SIDT2: variants seen among roughly 807,000 people sequenced by gnomAD.
The protein encoded by SIDT2 is SID1 transmembrane family, member 2.
Under a neutral mutation model 114.4 loss-of-function variants are expected in SIDT2, and 68 were observed. The ratio of observed to expected loss-of-function variants is 0.59; its 90% CI spans 0.49 to 0.73. SIDT2 has a LOEUF of 0.73. Ranked by LOEUF, SIDT2 falls within the 30% of genes least tolerant of loss-of-function variation. The pLI is 0.00. For synonymous variants in SIDT2, 470 were observed against 438.4 expected, an observed-to-expected ratio of 1.07 and a Z score of -0.90; for missense variants, 918 against 1,097.1, an observed-to-expected ratio of 0.84 and a Z score of 2.31.
In SIDT2 at chr11:117,193,904, A is replaced by T. The variant is rs1307542557; in HGVS notation, c.2263A>T (p.Thr755Ser). ...KLIPLLCIVC[T>S]SVVWGFALFF... ...CATCCCCCTGCTCTGCATCGTTTGC[A>T]CCTCCGTGGTCTGGGGCTTCGCGCT... The change falls in exon 24 of 26, where the codon ACC becomes TCC. Residue 755 changes from threonine to serine, a missense_variant. Physicochemically the swap from Thr to Ser is moderately conservative, Grantham distance 58. This residue lies in a region of SIDT2 where 275 missense variants were observed against 397.6 expected (regional missense o/e 0.69). Coordinates refer to ENST00000324225, the MANE Select transcript of SIDT2 (RefSeq NM_001040455.2). The T allele has an allele frequency of 6.2e-7, 1 of 1,614,016 alleles. No homozygotes were observed. The highest frequency in any genetic ancestry group is 8.5e-7 in the Non-Finnish European group (1 of 1,180,004).
chr11:117,187,085 G>C lies in SIDT2; in HGVS notation c.1016-293G>C, dbSNP rs550164823. On this transcript the variant is annotated intron_variant, in intron 10 of 25. Coordinates refer to ENST00000324225, the MANE Select transcript of SIDT2 (RefSeq NM_001040455.2). ...CAGCACAGGGCTGTCTGGAGGGCTCGTGGGCGGGCCAGTGTTGTCTTTGTT... is the reference window on the plus strand; with the variant it reads ...CAGCACAGGGCTGTCTGGAGGGCTCCTGGGCGGGCCAGTGTTGTCTTTGTT... 6.8e-4 allele frequency: 986 copies of C among 1,451,244 alleles called. 4 individuals carry two copies. Among genetic ancestry groups the C allele is most frequent in the Non-Finnish European group, 8.4e-4 (919 of 1,088,150 alleles). 89.9% of individuals were successfully genotyped at this position (1,451,244 alleles called of 1,614,324 possible).
intron 10 of SIDT2, chr11:117,186,940 C>A: frequency 6.7e-7 from 1 of 1,484,464 alleles, no homozygotes; most frequent in South Asian, 1.2e-5. Flanking sequence ...CTCTCTTCCA[C>A]CCCTCCCTCT....
chr11:117,182,279 G>T (rs1398881260), intron 4 of SIDT2, 174 bp downstream of exon 4: 3 of 786,292 alleles, frequency 3.8e-6, no homozygotes. Flanking sequence ...GCATGGGACT[G>T]TACAGAGACA....
rs529683451 is a variant in SIDT2 at position 117,186,200 on chromosome 11, C to T, written c.939C>T (p.Leu313=). 6 of 1,614,122 alleles carry T rather than the reference C, an allele frequency of 3.7e-6. No homozygotes were observed. Among genetic ancestry groups the T allele is most frequent in the African/African-American group, 2.7e-5 (2 of 75,010 alleles). ...TCTCCTTTTACCTGCTGACCGTCCT[C>T]CTGGCCTGCTGGGAGAACTGGAGGT... ...IFLSFYLLTV[L]LACWENWRQK... The change falls in exon 9 of 26, where the codon CTC becomes CTT. Residue 313 remains leucine (L), a synonymous_variant. Coordinates refer to ENST00000324225, the MANE Select transcript of SIDT2 (RefSeq NM_001040455.2).
chr11:117,181,298 C>T (rs1434820932), intron 1 of SIDT2, 118 bp from the exon 2 acceptor site: 12 of 1,461,366 alleles, frequency 8.2e-6, no homozygotes, highest in Admixed American at 1.9e-5. Flanking sequence ...CTCCCTGGCC[C>T]GACCAAGATG....
chr11:117,192,014 G>C lies in SIDT2; in HGVS notation c.1872G>C (p.Val624=). Residue 624 remains valine, a splice_region_variant and synonymous_variant, in exon 19 of 26, where the codon GTG becomes GTC. Transcript: ENST00000324225. The surrounding 1 kb of genome is among the most constrained non-coding windows in gnomAD (Gnocchi z 5.9). The part of the protein sequence containing the change: ...AIVIFFSVLG[V]VFGKGNTAFW... Reference sequence around the variant, plus strand: ...TCATCTTCTTCTCTGTGCTGGGCGTGGTGAGGGCCTGACCTGCTCTGCTCA... The same window carrying C: ...TCATCTTCTTCTCTGTGCTGGGCGTCGTGAGGGCCTGACCTGCTCTGCTCA... The C allele has an allele frequency of 6.2e-7, 1 of 1,614,112 alleles. No individual in the cohort carries two copies. Among genetic ancestry groups the C allele is most frequent in the South Asian group, 1.1e-5 (1 of 91,086 alleles).
chr11:117,180,523 C>A (rs1006253193), intron 1 of SIDT2, among the ~76,000 whole-genome samples: 38 of 142,462 alleles, frequency 2.7e-4, no homozygotes, highest in Non-Finnish European at 4.1e-4. Flanking sequence ...GGGTGAAGAT[C>A]ACTTTATCTT....
Position 117,190,628 on chromosome 11 carries a change from T to C in SIDT2, c.1623T>C (p.Cys541=), listed in dbSNP as rs368054095. The stretch of plus-strand genomic sequence containing the variant: ...CTTCTCTCTCTCCCCAACAGGAATG[T>C]GGGATCCCCAAACACTTTGGGCTTT... The part of the protein sequence containing the change: ...LLRNDLCALE[C]GIPKHFGLFY... Residue 541 remains cysteine, a synonymous_variant, in exon 18 of 26, where the codon TGT becomes TGC. Transcript: ENST00000324225. This position sits in a 1 kb window ranked among gnomAD's most constrained non-coding sequence, Gnocchi z 4.1. 1.8e-4 allele frequency: 291 copies of C among 1,579,442 alleles called. 1 individual carries two copies. The highest frequency in any genetic ancestry group is 2.2e-5 in the Non-Finnish European group (26 of 1,160,662).
chr11:117,190,065 G>T lies in SIDT2; in HGVS notation c.1493+40G>T. ...GGGAGGCCCCTTGTCCAGGCCAAGG[G>T]TGAAATGGGGCAGGGCCTGGGGCTT... On this transcript the variant is annotated intron_variant, in intron 16 of 25. Transcript: ENST00000324225. This position sits in a 1 kb window ranked among gnomAD's most constrained non-coding sequence, Gnocchi z 4.1. 6.2e-7 allele frequency: 1 copy of T among 1,614,010 alleles called. No individual in the cohort carries two copies. Among genetic ancestry groups the T allele is most frequent in the Non-Finnish European group, 8.5e-7 (1 of 1,179,942 alleles).
At chr11:117,195,487 C>T (rs969354159) in intron 24 of SIDT2, among the ~76,000 whole-genome samples, 3 of 152,174 alleles carry the variant, frequency 2.0e-5, no homozygotes, top group Non-Finnish European at 4.4e-5. Context: ...GGCCTTCTGC[C>T]ATCTCTGAGC....
intron 1 of SIDT2, 125 bp downstream of exon 1, chr11:117,179,571 C>T (rs780856586): frequency 1.0e-6 from 1 of 954,412 alleles, no homozygotes; most frequent in Non-Finnish European, 1.5e-6. Context: ...TTCCCAGTTC[C>T]CAGAACCACA....
In SIDT2 at chr11:117,190,573, C is replaced by T. The variant is rs2030663528; in HGVS notation, c.1618-50C>T. The T allele has an allele frequency of 3.4e-6, 5 of 1,466,872 alleles. No individual in the cohort carries two copies. In the South Asian group the frequency reaches 6.1e-5, roughly 18 times the overall value. 90.9% of individuals were successfully genotyped at this position (1,466,872 alleles called of 1,614,324 possible). ...GGTCCCTCTTTTGGGTCCCTTCTTC[C>T]CTTCCTGCCTCACTTCCTCCCTCCC... On this transcript the variant is annotated intron_variant, in intron 17 of 25. Transcript: ENST00000324225. The surrounding 1 kb of genome is among the most constrained non-coding windows in gnomAD (Gnocchi z 4.1).
Position 117,192,968 on chromosome 11 carries a change from A to G in SIDT2, c.2105+102A>G, listed in dbSNP as rs1350970413. 2 of 1,486,862 alleles carry G rather than the reference A, an allele frequency of 1.3e-6. No individual in the cohort carries two copies. Among genetic ancestry groups the G allele is most frequent in the East Asian group, 2.3e-5 (1 of 44,282 alleles). The allele number at this position is 1,486,862 out of a possible 1,614,324, so 92.1% of individuals were successfully genotyped here. A position where few individuals can be genotyped will look rare whatever the true frequency, so the allele number is the denominator to read the frequency against. On this transcript the variant is annotated intron_variant, in intron 22 of 25. Transcript: ENST00000324225. This position sits in a 1 kb window ranked among gnomAD's most constrained non-coding sequence, Gnocchi z 5.9. ...TAAGGACAACTTCCAAATGTTGGGCATAAGACATGGGGGCTAAGAGAGATC... is the reference window on the plus strand; with the variant it reads ...TAAGGACAACTTCCAAATGTTGGGCGTAAGACATGGGGGCTAAGAGAGATC...
At chr11:117,184,769 A>G (rs57315752) in intron 8 of SIDT2, among the ~76,000 whole-genome samples, 3,646 of 152,280 alleles carry the variant, frequency 0.024, 76 homozygotes, top group South Asian at 0.098. Context: ...TCTGTCACCC[A>G]GGCTGTAATG....
At position 117,195,928 on chromosome 11, in the gene SIDT2, C is replaced by T; in HGVS notation, c.2436+13C>T. The T allele has an allele frequency of 6.2e-7, 1 of 1,614,202 alleles. No individual in the cohort carries two copies. Among genetic ancestry groups the T allele is most frequent in the Admixed American group, 1.7e-5 (1 of 60,028 alleles). On this transcript the variant is annotated intron_variant, in intron 25 of 25. Transcript: ENST00000324225. ...CGGGTCCTTCCTGGTAAGCGGGCCT[C>T]CCGGCCGAGCCGGGTGGGTACGTGA...
rs2030662895 is a variant in SIDT2 at position 117,190,550 on chromosome 11, TC to T, written c.1618-70del. ...TTTTCCTCTTCCACTCCTCTTAGGGTCCCTCTTTTGGGTCCCTTCTTCCCTT... is the reference window on the plus strand; with the variant it reads ...TTTTCCTCTTCCACTCCTCTTAGGGTCCTCTTTTGGGTCCCTTCTTCCCTT... On this transcript the variant is annotated intron_variant, in intron 17 of 25. Coordinates refer to ENST00000324225, the MANE Select transcript of SIDT2 (RefSeq NM_001040455.2). This position sits in a 1 kb window ranked among gnomAD's most constrained non-coding sequence, Gnocchi z 4.1. 28 of 1,273,030 alleles carry T rather than the reference TC, an allele frequency of 2.2e-5. 1 individual carries two copies. In the South Asian group the frequency reaches 3.3e-4, roughly 15 times the overall value. The allele number at this position is 1,273,030 out of a possible 1,614,324, so 78.9% of individuals were successfully genotyped here.
Position 117,182,564 on chromosome 11 carries a change from A to G in SIDT2, c.562A>G (p.Lys188Glu). The G allele has an allele frequency of 3.1e-6, 5 of 1,614,222 alleles. No homozygotes were observed. Among genetic ancestry groups the G allele is most frequent in the Non-Finnish European group, 4.2e-6 (5 of 1,180,034 alleles). Residue 188 changes from lysine (K) to glutamate (E), a missense_variant, in exon 5 of 26, where the codon AAG (lysine) becomes GAG (glutamate). Around this residue, in one of 4 missense-constraint regions of SIDT2, gnomAD observed 553 missense variants for 600.1 expected, o/e 0.92. Coordinates refer to ENST00000324225, the MANE Select transcript of SIDT2 (RefSeq NM_001040455.2). The part of the protein sequence containing the change: ...FPEGVDSVIV[K>E]VTSNKAFPCS... ...TGAAGGCGTGGACTCGGTAATTGTC[A>G]AGGTGACCTCCAACAAGGCCTTCCC...
rs1393747970 is a variant in SIDT2, at chr11:117,193,223, C to A, written c.2176C>A (p.Leu726Met). 6.2e-7 allele frequency: 1 copy of A among 1,614,032 alleles called. No homozygotes were observed. Among genetic ancestry groups the A allele is most frequent in the Non-Finnish European group, 8.5e-7 (1 of 1,180,012 alleles). ...SYLLAIGICN[L>M]LLYFAFYIIM... is the part of the protein sequence containing the mutation. ...CTTGTTGGCCATTGGCATCTGCAAC[C>A]TGCTCCTTTACTTCGCCTTCTACAT... Residue 726 changes from leucine (L) to methionine (M), a missense_variant, in exon 23 of 26, where the codon CTG becomes ATG. Coordinates refer to ENST00000324225, the MANE Select transcript of SIDT2 (RefSeq NM_001040455.2).
In SIDT2 at chr11:117,182,468, A is replaced by G. The variant is rs757866959; in HGVS notation, c.517-51A>G. ...GGGACTATTCCCTTCTAGAGGGGCC[A>G]AGAGAGCATCCTCATGAGATGGGGC... On this transcript the variant is annotated intron_variant, in intron 4 of 25. Coordinates refer to ENST00000324225, the MANE Select transcript of SIDT2 (RefSeq NM_001040455.2). 9 of 1,522,860 alleles carry G rather than the reference A, an allele frequency of 5.9e-6. No individual in the cohort carries two copies. The South Asian group carries it at 1.0e-4, about 17-fold the overall frequency. The allele number at this position is 1,522,860 out of a possible 1,614,324, so 94.3% of individuals were successfully genotyped here.
Sources: gnomAD v4.1 joint callset for allele counts (sites outside exome capture counted in the v4.1 genomes callset) on GRCh38, gnomAD v4.1.1 for gene constraint, gnomAD v4.1.1 regional missense constraint, Gnocchi (gnomAD v3.1) non-coding constraint, MANE v1.5 for transcripts, NCBI Gene and HGNC (gene_info 2026-07-23, HGNC 2026-07-21) for gene names.